Variants in GABRA4 observed in about 807,000 individuals in gnomAD.
The protein encoded by GABRA4 is gamma-aminobutyric acid receptor subunit alpha-4.
GABRA4 carries 12 observed loss-of-function variants against 49.7 expected under a neutral mutation model. That is an observed-to-expected ratio of 0.24 (90% confidence interval 0.15 to 0.39). GABRA4 has a LOEUF of 0.39. Ranked by LOEUF, GABRA4 falls within the 10% of genes least tolerant of loss-of-function variation. The pLI is 1.00. For missense variants in GABRA4, 506 were observed against 686.0 expected (o/e 0.74, Z 2.93); for synonymous variants, 288 against 240.2 (o/e 1.20, Z -1.84).
intron 5 of GABRA4, 35 bp from the exon 6 acceptor site, chr4:46,974,410 G>T: frequency 6.3e-7 from 1 of 1,580,510 alleles, no homozygotes; most frequent in Non-Finnish European, 8.6e-7. Flanking sequence ...TAGAGTCAAT[G>T]CTCCTTTTTC....
intron 2 of GABRA4, among the ~76,000 whole-genome samples, chr4:46,979,459 G>A (rs758430908): frequency 6.6e-6 from 1 of 152,064 alleles, no homozygotes; most frequent in Non-Finnish European, 1.5e-5. Flanking sequence ...GAAGTGAGCT[G>A]TTAAAAAGGG....
chr4:46,942,145 A>T (rs573499264), intron 8 of GABRA4, among the ~76,000 whole-genome samples: 1 of 152,268 alleles, frequency 6.6e-6, no homozygotes, highest in South Asian at 2.1e-4. Flanking sequence ...TTTATGTTCC[A>T]GGCATTCTTC....
At chr4:46,963,051 G>C (rs1247396577) in intron 8 of GABRA4, among the ~76,000 whole-genome samples, 2 of 151,768 alleles carry the variant, frequency 1.3e-5, no homozygotes, top group Non-Finnish European at 2.9e-5. Flanking sequence ...AATTTCTTGA[G>C]TAATACCTTA....
intron 7 of GABRA4, among the ~76,000 whole-genome samples, chr4:46,967,195 A>C (rs1722792480): frequency 6.6e-6 from 1 of 151,674 alleles, no homozygotes; most frequent in Admixed American, 6.6e-5. Context: ...ATGTCATAGA[A>C]ACAATGCTAA....
At chr4:46,975,804 T>A (rs2109391535) in intron 5 of GABRA4, among the ~76,000 whole-genome samples, 1 of 152,096 alleles carries the variant, frequency 6.6e-6, no homozygotes, top group Middle Eastern at 3.4e-3. Context: ...CAAATGGATT[T>A]TAATTCTGGC....
At chr4:46,943,581 G>C (rs1254604058) in intron 8 of GABRA4, among the ~76,000 whole-genome samples, 4 of 152,006 alleles carry the variant, frequency 2.6e-5, no homozygotes, top group Non-Finnish European at 5.9e-5. Flanking sequence ...CATTCTACAT[G>C]ATTTGGGCCC....
chr4:46,935,995 G>A (rs1406263001), intron 8 of GABRA4, among the ~76,000 whole-genome samples: 4 of 152,136 alleles, frequency 2.6e-5, no homozygotes, highest in African/African-American at 9.7e-5. Context: ...TTATGCATAA[G>A]ACGTATGTCA....
At chr4:46,961,403 A>G (rs1722568322) in intron 8 of GABRA4, among the ~76,000 whole-genome samples, 1 of 151,798 alleles carries the variant, frequency 6.6e-6, no homozygotes, top group Non-Finnish European at 1.5e-5. Flanking sequence ...TAGCCCTATC[A>G]CTATCTAACA....
intron 8 of GABRA4, among the ~76,000 whole-genome samples, chr4:46,959,487 G>A (rs991252223): frequency 6.6e-6 from 1 of 151,770 alleles, no homozygotes; most frequent in Non-Finnish European, 1.5e-5. Context: ...CTTGACCTTG[G>A]ATGTGCCATT....
chr4:46,950,739 A>AT (rs201584711), intron 8 of GABRA4, among the ~76,000 whole-genome samples: 12,472 of 151,084 alleles, frequency 0.083, 625 homozygotes, highest in South Asian at 0.13. Flanking sequence ...AAATAAATAA[A>AT]TAAATAAATT....
intron 2 of GABRA4, among the ~76,000 whole-genome samples, chr4:46,984,444 C>A (rs1723465177): frequency 6.6e-6 from 1 of 151,982 alleles, no homozygotes; most frequent in Non-Finnish European, 1.5e-5. Context: ...ATTGATATCA[C>A]TGAGAAAGCA....
Position 46,977,432 on chromosome 4 carries a change from C to A in GABRA4, c.472G>T (p.Gly158Cys). The change falls in exon 4 of 9, where the codon GGT becomes TGT. Residue 158 changes from glycine (G) to cysteine (C), a missense_variant. Transcript: ENST00000264318. ...TACCTCATTGTGTATAAAATAGTAC[C>A]ATTTCTCATAATTCTAAAAAGCTTA... Reference protein sequence around the residue: ...PNKLFRIMRNGTILYTMRLTI... With the variant: ...PNKLFRIMRNCTILYTMRLTI... 1 of 1,579,336 alleles carries A rather than the reference C, an allele frequency of 6.3e-7. No individual in the cohort carries two copies. Among genetic ancestry groups the A allele is most frequent in the South Asian group, 1.1e-5 (1 of 89,652 alleles).
intron 7 of GABRA4, among the ~76,000 whole-genome samples, chr4:46,970,574 G>A (rs894527496): frequency 6.6e-6 from 1 of 151,136 alleles, no homozygotes; most frequent in African/African-American, 2.4e-5. Flanking sequence ...AAAAAAAGAA[G>A]TAAGTAAATA....
rs145148064 is a variant in GABRA4 at position 46,975,832 on chromosome 4, G to C, written c.577+1229C>G. ...ATTCTGGCCCCAATGAGATCACCCT[G>C]TCTATGTATTTTTCTGCCTTTATCT... On this transcript the variant is annotated intron_variant, in intron 5 of 8. Coordinates refer to ENST00000264318, the MANE Select transcript of GABRA4 (RefSeq NM_000809.4). 1.9e-3 allele frequency among the ~76,000 whole-genome samples: 287 copies of C among 152,030 alleles called. 3 individuals carry two copies. Among genetic ancestry groups the C allele is most frequent in the African/African-American group, 6.8e-3 (284 of 41,512 alleles).
intron 2 of GABRA4, among the ~76,000 whole-genome samples, chr4:46,989,966 C>T (rs535551503): frequency 6.6e-6 from 1 of 152,286 alleles, no homozygotes; most frequent in African/African-American, 2.4e-5. Flanking sequence ...CAGTGGTACA[C>T]ATTTACAACT....
chr4:46,974,937 CTATGT>C (rs1490762715), intron 5 of GABRA4, among the ~76,000 whole-genome samples: 3 of 151,942 alleles, frequency 2.0e-5, no homozygotes, highest in Non-Finnish European at 4.4e-5. Context: ...TGACAACTGG[CTATGT>C]TGTTTGTAAA....
chr4:46,984,085 G>T (rs1222112934), intron 2 of GABRA4, among the ~76,000 whole-genome samples: 1 of 152,026 alleles, frequency 6.6e-6, no homozygotes, highest in Admixed American at 6.6e-5. Context: ...TATGGTTAAA[G>T]GGTGGAATCA....
At chr4:46,947,941 A>G (rs974672063) in intron 8 of GABRA4, among the ~76,000 whole-genome samples, 2 of 152,046 alleles carry the variant, frequency 1.3e-5, no homozygotes, top group African/African-American at 4.8e-5. Flanking sequence ...GCTGGGTTGG[A>G]ATCACCCAGA....
At chr4:46,933,296 AAAT>A (rs1721504955) in intron 8 of GABRA4, among the ~76,000 whole-genome samples, 1 of 152,190 alleles carries the variant, frequency 6.6e-6, no homozygotes, top group Non-Finnish European at 1.5e-5. Flanking sequence ...ATCCTTTTTC[AAAT>A]TAGAAAGTGT....
Sources: allele counts gnomAD v4.1 joint callset (sites outside exome capture counted in the v4.1 genomes callset), GRCh38; gene constraint gnomAD v4.1.1; transcripts MANE v1.5; gene names NCBI Gene and HGNC (gene_info 2026-07-23, HGNC 2026-07-21).